CHCHD6: variants seen among roughly 807,000 people sequenced by gnomAD.
CHCHD6 encodes the protein MICOS complex subunit MIC25.
A neutral mutation model predicts 32.3 loss-of-function variants in CHCHD6; 28 were observed. The observed-to-expected ratio is 0.87, with a 90% confidence interval of 0.64 to 1.19. CHCHD6 has a LOEUF of 1.19. Ranked by LOEUF, CHCHD6 falls within the 50% of genes most tolerant of loss-of-function variation. The pLI is 0.00. For synonymous variants in CHCHD6, 122 were observed against 117.5 expected (o/e 1.04, Z -0.25); for missense variants, 333 against 307.0 (o/e 1.08, Z -0.63).
At chr3:126,909,166 G>T (rs2078048097) in intron 5 of CHCHD6, among the ~76,000 whole-genome samples, 1 of 152,200 alleles carries the variant, frequency 6.6e-6, no homozygotes, top group Non-Finnish European at 1.5e-5. Flanking sequence ...GTGGTTAGGG[G>T]GTGTCTTTCA....
chr3:126,958,380 A>G (rs1025469564), intron 7 of CHCHD6, among the ~76,000 whole-genome samples: 2 of 152,220 alleles, frequency 1.3e-5, no homozygotes, highest in African/African-American at 2.4e-5. Flanking sequence ...GAGAAACAAC[A>G]GGACGAGGTC....
chr3:126,825,604 C>G (rs1047080863), intron 4 of CHCHD6, among the ~76,000 whole-genome samples: 5 of 152,230 alleles, frequency 3.3e-5, no homozygotes, highest in African/African-American at 1.2e-4. Flanking sequence ...ATCTGGGACT[C>G]TATATATTTG....
chr3:126,889,994 C>T (rs1225283936), intron 5 of CHCHD6, among the ~76,000 whole-genome samples: 5 of 152,120 alleles, frequency 3.3e-5, no homozygotes, highest in African/African-American at 9.7e-5. Flanking sequence ...GGGCTTTGTC[C>T]AGGCCTGAGG....
chr3:126,860,030 G>T lies in CHCHD6; in HGVS notation c.495+7300G>T, dbSNP rs563139189. ...ACGTGCTCAGTGAGGGGTGTGTCTCGTTGGAAGAGCCGCCACCTGCCTGCC... is the reference window on the plus strand; with the variant it reads ...ACGTGCTCAGTGAGGGGTGTGTCTCTTTGGAAGAGCCGCCACCTGCCTGCC... On this transcript the variant is annotated intron_variant, in intron 5 of 7. Transcript: ENST00000290913. Among the ~76,000 whole-genome samples the T allele has an allele frequency of 5.3e-5, 8 of 152,204 alleles. No individual in the cohort carries two copies. The South Asian group carries it at 1.7e-3, about 32-fold the overall frequency.
intron 4 of CHCHD6, among the ~76,000 whole-genome samples, chr3:126,808,994 CAG>C (rs1559857445): frequency 6.6e-6 from 1 of 150,958 alleles, no homozygotes; most frequent in African/African-American, 2.4e-5. Context: ...TTTTTTGAGA[CAG>C]AGTCTTGCTC....
chr3:126,732,355 C>T (rs1935851038), intron 3 of CHCHD6, among the ~76,000 whole-genome samples: 1 of 152,102 alleles, frequency 6.6e-6, no homozygotes, highest in Non-Finnish European at 1.5e-5. Flanking sequence ...TTGCTATTTT[C>T]ACTTAGTATT....
chr3:126,952,600 G>C (rs1464378016), intron 6 of CHCHD6, among the ~76,000 whole-genome samples: 2 of 152,252 alleles, frequency 1.3e-5, no homozygotes, highest in Non-Finnish European at 2.9e-5. Flanking sequence ...ATGGGGCCCA[G>C]GGGAGTGGGG....
intron 4 of CHCHD6, among the ~76,000 whole-genome samples, chr3:126,764,200 C>CAT (rs143293559): frequency 0.31 from 43,811 of 139,514 alleles, 7,465 homozygotes; most frequent in Non-Finnish European, 0.41. Flanking sequence ...TACATACATG[C>CAT]ATATATATAT....
At chr3:126,959,164 C>G (rs184070194) in intron 7 of CHCHD6, among the ~76,000 whole-genome samples, 1 of 152,332 alleles carries the variant, frequency 6.6e-6, no homozygotes, top group East Asian at 1.9e-4. Flanking sequence ...ATGTGATTAC[C>G]AAGGAAGACA....
At chr3:126,832,483 G>A (rs1940685517) in intron 4 of CHCHD6, among the ~76,000 whole-genome samples, 1 of 152,056 alleles carries the variant, frequency 6.6e-6, no homozygotes, top group South Asian at 2.1e-4. Context: ...GAATATTTGT[G>A]GAATAGATGA....
chr3:126,714,017 C>T (rs1395106765), intron 1 of CHCHD6, among the ~76,000 whole-genome samples: 2 of 130,612 alleles, frequency 1.5e-5, no homozygotes, highest in Admixed American at 9.7e-5. Context: ...GCGGAGCTTG[C>T]AGTGAGCTGA....
intron 5 of CHCHD6, among the ~76,000 whole-genome samples, chr3:126,868,387 G>A (rs1487825211): frequency 6.6e-6 from 1 of 151,808 alleles, no homozygotes; most frequent in Non-Finnish European, 1.5e-5. Context: ...GTACTTGTGG[G>A]AATTACCCAA....
rs569758212 is a variant in CHCHD6 at position 126,929,711 on chromosome 3, G to A, written c.566+14961G>A. On this transcript the variant is annotated intron_variant, in intron 6 of 7. Coordinates refer to ENST00000290913, the MANE Select transcript of CHCHD6 (RefSeq NM_032343.3). ...CTCCTGAGTAGCAGGGATTACAGGC[G>A]CCCACCACCATGCCTGGCTAATTTT... 2.0e-4 allele frequency among the ~76,000 whole-genome samples: 30 copies of A among 151,970 alleles called. No homozygotes were observed. The East Asian group carries it at 4.5e-3, about 23-fold the overall frequency.
chr3:126,857,475 C>T (rs115853217), intron 5 of CHCHD6, among the ~76,000 whole-genome samples: 1 of 152,144 alleles, frequency 6.6e-6, no homozygotes, highest in Non-Finnish European at 1.5e-5. Flanking sequence ...CCATTGTACT[C>T]CCTGCTGCCG....
At position 126,807,504 on chromosome 3, in the gene CHCHD6, T is replaced by A. The variant is rs552560616; in HGVS notation, c.412-45143T>A. On this transcript the variant is annotated intron_variant, in intron 4 of 7. Coordinates refer to ENST00000290913, the MANE Select transcript of CHCHD6 (RefSeq NM_032343.3). Reference sequence around the variant, plus strand: ...CAAAAAGACAAAGCAATAGAAAATATGAGAGAAACATTAGGAAAATTGGAG... The same window carrying A: ...CAAAAAGACAAAGCAATAGAAAATAAGAGAGAAACATTAGGAAAATTGGAG... Among the ~76,000 whole-genome samples, 3 of 152,138 alleles carry A rather than the reference T, an allele frequency of 2.0e-5. No individual in the cohort carries two copies. The East Asian group carries it at 5.8e-4, about 29-fold the overall frequency.
intron 4 of CHCHD6, among the ~76,000 whole-genome samples, chr3:126,792,944 ATTG>A (rs1404423203): frequency 2.0e-5 from 3 of 152,046 alleles, no homozygotes; most frequent in Non-Finnish European, 4.4e-5. Flanking sequence ...ACGCATTAAG[ATTG>A]TTATGTCTTG....
chr3:126,881,445 C>G (rs879686310), intron 5 of CHCHD6, among the ~76,000 whole-genome samples: 1 of 152,216 alleles, frequency 6.6e-6, no homozygotes, highest in Non-Finnish European at 1.5e-5. Context: ...CCCAAGCCCC[C>G]CATTGAGCAG....
intron 4 of CHCHD6, among the ~76,000 whole-genome samples, chr3:126,810,043 C>T (rs1404533916): frequency 2.6e-5 from 4 of 152,146 alleles, no homozygotes. Context: ...GAAGACCCCT[C>T]ATATACAGAG....
intron 1 of CHCHD6, among the ~76,000 whole-genome samples, chr3:126,720,452 G>A (rs141719863): frequency 1.1e-4 from 17 of 152,282 alleles, no homozygotes; most frequent in African/African-American, 3.8e-4. Context: ...CTGTCCAGTC[G>A]TGTGCTGGTA....
Sources: allele counts gnomAD v4.1 joint callset (sites outside exome capture counted in the v4.1 genomes callset), GRCh38; gene constraint gnomAD v4.1.1; transcripts MANE v1.5; gene names NCBI Gene and HGNC (gene_info 2026-07-23, HGNC 2026-07-21).